The following PRPF38A variants were observed in gnomAD, a reference collection of about 807,000 sequenced individuals.
PRPF38A encodes the protein pre-mRNA processing factor 38A.
PRPF38A carries 11 observed loss-of-function variants against 46.8 expected under a neutral mutation model. The ratio of observed to expected loss-of-function variants is 0.24; its 90% CI spans 0.15 to 0.39. PRPF38A has a LOEUF of 0.39. PRPF38A is among the 10% of genes least tolerant of loss of function. The pLI is 1.00. For synonymous variants in PRPF38A, 124 were observed against 136.2 expected (o/e 0.91, Z 0.62); for missense variants, 261 against 407.5 (o/e 0.64, Z 3.10).
In PRPF38A at chr1:52,420,453, CTAAT is replaced by C. The variant is rs1170508852; in HGVS notation, c.*3767_*3770del. The C allele has an allele frequency of 2.6e-5, 4 of 152,116 alleles. No individual in the cohort carries two copies. The highest frequency in any genetic ancestry group is 2.1e-4 in the South Asian group (1 of 4,822). The allele number at this position is 152,116 out of a possible 1,614,324, so 9.4% of individuals were successfully genotyped here. ...TCATAGCAGGAATCACGTACAGTCTCTAATTAAAACATACATGAAGCTAGAAAAA... is the reference window on the plus strand; with the variant it reads ...TCATAGCAGGAATCACGTACAGTCTCTAAAACATACATGAAGCTAGAAAAA... On this transcript the variant is annotated 3_prime_UTR_variant, in exon 10 of 10. Transcript: ENST00000257181.
At position 52,415,346 on chromosome 1, in the gene PRPF38A, C is replaced by T. The variant is rs775170207; in HGVS notation, c.856C>T (p.Arg286Cys). 11 of 1,613,780 alleles carry T rather than the reference C, an allele frequency of 6.8e-6. No individual in the cohort carries two copies. Among genetic ancestry groups the T allele is most frequent in the East Asian group, 6.7e-5 (3 of 44,872 alleles). Residue 286 changes from arginine to cysteine, a missense_variant, in exon 9 of 10, where the codon CGT (arginine) becomes TGT (cysteine). By Grantham distance (180) the Arg-to-Cys change is radical. Transcript: ENST00000257181. ...GGCCTTTTCTTCCCCAGGTCATCAC[C>T]GTAGTCACAGACACAGGAGCCACTC... ...RSRSKSPGHHRSHRHRSHSKS... is the reference protein window; with the variant it reads ...RSRSKSPGHHCSHRHRSHSKS...
intron 2 of PRPF38A, among the ~76,000 whole-genome samples, chr1:52,406,323 A>G (rs1483559233): frequency 6.6e-6 from 1 of 152,060 alleles, no homozygotes; most frequent in African/African-American, 2.4e-5. Context: ...TGATTGTATT[A>G]ATCTTCTACT....
rs560091268 is a variant in PRPF38A at position 52,417,571 on chromosome 1, G to A, written c.*881G>A. ...AGAATTAGAGGATGGTGGTAGTAATGAAAATGATGCATTCAGTTTAACAAG... is the reference window on the plus strand; with the variant it reads ...AGAATTAGAGGATGGTGGTAGTAATAAAAATGATGCATTCAGTTTAACAAG... On this transcript the variant is annotated 3_prime_UTR_variant, in exon 10 of 10. Coordinates refer to ENST00000257181, the MANE Select transcript of PRPF38A (RefSeq NM_032864.4). 2.0e-5 allele frequency: 3 copies of A among 152,298 alleles called. No individual in the cohort carries two copies. In the South Asian group the frequency reaches 6.2e-4, roughly 32 times the overall value. The allele number at this position is 152,298 out of a possible 1,614,324, so 9.4% of individuals were successfully genotyped here. A position where few individuals can be genotyped will look rare whatever the true frequency, so the allele number is the denominator to read the frequency against.
chr1:52,404,739 G>A lies in PRPF38A; in HGVS notation c.-11G>A, dbSNP rs1050018734. 3.1e-6 allele frequency: 5 copies of A among 1,612,244 alleles called. No homozygotes were observed. Among genetic ancestry groups the A allele is most frequent in the Non-Finnish European group, 3.4e-6 (4 of 1,179,236 alleles). ...AGGATCCGACGGAAATAGAATTGAA[G>A]GCATTCTAAAATGGCTAACCGTACA... is the stretch of plus-strand genomic sequence containing the variant. On this transcript the variant is annotated 5_prime_UTR_variant, in exon 1 of 10. Coordinates refer to ENST00000257181, the MANE Select transcript of PRPF38A (RefSeq NM_032864.4).
rs1648438279 is a variant in PRPF38A at position 52,420,781 on chromosome 1, TA to T, written c.*4092del. 6.6e-6 allele frequency: 1 copy of T among 152,212 alleles called. No individual in the cohort carries two copies. The highest frequency in any genetic ancestry group is 2.4e-5 in the African/African-American group (1 of 41,462). The allele number at this position is 152,212 out of a possible 1,614,324, so 9.4% of individuals were successfully genotyped here. ...GAATGATTTTTAAACTTTGTACTTT[TA>T]TATAATGCTTATTTTCTTTTTACAA... is the stretch of plus-strand genomic sequence containing the variant. On this transcript the variant is annotated 3_prime_UTR_variant, in exon 10 of 10. Coordinates refer to ENST00000257181, the MANE Select transcript of PRPF38A (RefSeq NM_032864.4).
At chr1:52,406,377 A>G (rs987188439) in intron 2 of PRPF38A, among the ~76,000 whole-genome samples, 1 of 152,170 alleles carries the variant, frequency 6.6e-6, no homozygotes, top group East Asian at 1.9e-4. Context: ...AAAGGATTTC[A>G]CAGATTCACT....
Position 52,404,682 on chromosome 1 carries a change from T to C in PRPF38A, c.-68T>C, listed in dbSNP as rs1321397650. 1 of 1,547,508 alleles carries C rather than the reference T, an allele frequency of 6.5e-7. No individual in the cohort carries two copies. The highest frequency in any genetic ancestry group is 1.4e-5 in the African/African-American group (1 of 72,854). ...TTCCACCTTTCTCCATTCCTCTAGG[T>C]GCTTTTTCTGAACCTGGATGTGAGG... On this transcript the variant is annotated 5_prime_UTR_variant, in exon 1 of 10. Transcript: ENST00000257181.
chr1:52,406,329 C>T (rs1441643453), intron 2 of PRPF38A, among the ~76,000 whole-genome samples: 5 of 152,112 alleles, frequency 3.3e-5, no homozygotes, highest in African/African-American at 9.7e-5. Flanking sequence ...TATTAATCTT[C>T]TACTTTACTT....
chr1:52,408,424 C>G (rs559363487), intron 2 of PRPF38A, 145 bp from the exon 3 acceptor site: 3 of 1,061,874 alleles, frequency 2.8e-6, no homozygotes, highest in Non-Finnish European at 4.3e-6. Flanking sequence ...TGTCTTTCTT[C>G]TGCTGCATTC....
intron 8 of PRPF38A, 91 bp downstream of exon 8, chr1:52,414,950 GTAC>G: frequency 8.6e-7 from 1 of 1,163,754 alleles, no homozygotes; most frequent in Non-Finnish European, 1.3e-6. Context: ...GTGCCTGACT[GTAC>G]TGCCTAACAG....
In PRPF38A at chr1:52,418,228, A is replaced by C. The variant is rs1283127929; in HGVS notation, c.*1538A>C. On this transcript the variant is annotated 3_prime_UTR_variant, in exon 10 of 10. Transcript: ENST00000257181. ...GGTTCCTTTCGTAATACCTGAGTTA[A>C]TAAAAGTGGTCTGAAAGAGCTCTTA... is the stretch of plus-strand genomic sequence containing the variant. 1 of 152,594 alleles carries C rather than the reference A, an allele frequency of 6.6e-6. No homozygotes were observed. Among genetic ancestry groups the C allele is most frequent in the Admixed American group, 6.5e-5 (1 of 15,284 alleles). The allele number at this position is 152,594 out of a possible 1,614,324, so 9.5% of individuals were successfully genotyped here. A position where few individuals can be genotyped will look rare whatever the true frequency, so the allele number is the denominator to read the frequency against.
chr1:52,414,895 A>G (rs759174489), intron 8 of PRPF38A, 36 bp downstream of exon 8: 1 of 1,603,254 alleles, frequency 6.2e-7, no homozygotes, highest in Admixed American at 1.7e-5. Flanking sequence ...AGGTTGTCTT[A>G]ACAAAGAAAT....
In PRPF38A at chr1:52,416,714, ACATGGCCTCCTGTGGAT is replaced by A; in HGVS notation, c.*25_*41del. On this transcript the variant is annotated 3_prime_UTR_variant, in exon 10 of 10. Coordinates refer to ENST00000257181, the MANE Select transcript of PRPF38A (RefSeq NM_032864.4). ...AATGGACTCAGTTTGGTTTTAGTCCACATGGCCTCCTGTGGATATAAGGATATCTGTATGTGGAAGGA... is the reference window on the plus strand; with the variant it reads ...AATGGACTCAGTTTGGTTTTAGTCCAATAAGGATATCTGTATGTGGAAGGA... 1.3e-6 allele frequency: 2 copies of A among 1,573,456 alleles called. No homozygotes were observed. The highest frequency in any genetic ancestry group is 1.7e-6 in the Non-Finnish European group (2 of 1,142,886).
chr1:52,408,703 C>G lies in PRPF38A; in HGVS notation c.412+13C>G, dbSNP rs1648068193. 1.9e-6 allele frequency: 3 copies of G among 1,611,968 alleles called. No individual in the cohort carries two copies. The highest frequency in any genetic ancestry group is 2.5e-6 in the Non-Finnish European group (3 of 1,178,268). On this transcript the variant is annotated intron_variant, in intron 3 of 9. Transcript: ENST00000257181. ...AACCGAAATGGGGGTAAGTATGGTGCTAAGTCTCCTGATTGTCATTTTTAA... is the reference window on the plus strand; with the variant it reads ...AACCGAAATGGGGGTAAGTATGGTGGTAAGTCTCCTGATTGTCATTTTTAA...
Position 52,412,541 on chromosome 1 carries a change from C to G in PRPF38A, c.526C>G (p.Gln176Glu). 6.2e-7 allele frequency: 1 copy of G among 1,613,404 alleles called. No homozygotes were observed. Among genetic ancestry groups the G allele is most frequent in the Non-Finnish European group, 8.5e-7 (1 of 1,179,508 alleles). Residue 176 changes from glutamine to glutamate, a missense_variant, in exon 5 of 10, where the codon CAA becomes GAA. Coordinates refer to ENST00000257181, the MANE Select transcript of PRPF38A (RefSeq NM_032864.4). ...QKRYVLEEAEQLEPRVSALEE... is the reference protein window; with the variant it reads ...QKRYVLEEAEELEPRVSALEE... ...ACGCTATGTATTAGAGGAAGCTGAGCAACTGGAGCCTCGAGTTAGTGCTCT... is the reference window on the plus strand; with the variant it reads ...ACGCTATGTATTAGAGGAAGCTGAGGAACTGGAGCCTCGAGTTAGTGCTCT...
chr1:52,416,860 T>G lies in PRPF38A; in HGVS notation c.*170T>G. On this transcript the variant is annotated 3_prime_UTR_variant, in exon 10 of 10. Transcript: ENST00000257181. ...GGAGGTGCTGAGTTTTGTATCTTTT[T>G]AATCATAATCAACATCAGTTTTTGA... The G allele has an allele frequency of 1.6e-6, 1 of 623,088 alleles. No individual in the cohort carries two copies. Among genetic ancestry groups the G allele is most frequent in the Non-Finnish European group, 2.9e-6 (1 of 343,990 alleles). The allele number at this position is 623,088 out of a possible 1,614,324, so 38.6% of individuals were successfully genotyped here.
intron 2 of PRPF38A, 50 bp from the exon 3 acceptor site, chr1:52,408,519 C>T (rs749489792): frequency 1.9e-6 from 3 of 1,613,104 alleles, no homozygotes; most frequent in Admixed American, 3.3e-5. Context: ...AGTTGTAAAA[C>T]TCAGGAACTT....
chr1:52,415,832 CTTTTTTTTTT>C lies in PRPF38A; in HGVS notation c.896+465_896+474del, dbSNP rs71041898. Among the ~76,000 whole-genome samples, 29 of 51,576 alleles carry C rather than the reference CTTTTTTTTTT, an allele frequency of 5.6e-4. No individual in the cohort carries two copies. The Admixed American group carries it at 6.8e-3, about 12-fold the overall frequency. The allele number at this position is 51,576 out of a possible 152,430, so 33.8% of individuals were successfully genotyped here. A position where few individuals can be genotyped will look rare whatever the true frequency, so the allele number is the denominator to read the frequency against. Reference sequence around the variant, plus strand: ...TGTGCCATATACCGTTGGGTGCACTCTTTTTTTTTTTTTTTTTTTTTTTTTTTTGAGACGG... The same window carrying C: ...TGTGCCATATACCGTTGGGTGCACTCTTTTTTTTTTTTTTTTTTGAGACGG... On this transcript the variant is annotated intron_variant, in intron 9 of 9. Transcript: ENST00000257181.
Position 52,415,907 on chromosome 1 carries a change from A to G in PRPF38A, c.896+521A>G, listed in dbSNP as rs372909359. Among the ~76,000 whole-genome samples, 137 of 132,232 alleles carry G rather than the reference A, an allele frequency of 1.0e-3. 3 individuals are homozygous for G. The East Asian group carries it at 0.02, about 19-fold the overall frequency. 86.7% of individuals were successfully genotyped at this position (132,232 alleles called of 152,430 possible). A position where few individuals can be genotyped will look rare whatever the true frequency, so the allele number is the denominator to read the frequency against. ...TCCCAGGCTGGAGTGCAGTGGCGCA[A>G]TCTCGGCTCACTGCAAGCTCCACCT... On this transcript the variant is annotated intron_variant, in intron 9 of 9. Coordinates refer to ENST00000257181, the MANE Select transcript of PRPF38A (RefSeq NM_032864.4).
Sources: allele counts gnomAD v4.1 joint callset (sites outside exome capture counted in the v4.1 genomes callset), GRCh38; gene constraint gnomAD v4.1.1; transcripts MANE v1.5; gene names NCBI Gene and HGNC (gene_info 2026-07-23, HGNC 2026-07-21).